KCNN2: variants seen among roughly 807,000 people sequenced by gnomAD.
The protein encoded by KCNN2 is small conductance calcium-activated potassium channel protein 2.
Under a neutral mutation model 55.5 loss-of-function variants are expected in KCNN2, and 24 were observed. That is an observed-to-expected ratio of 0.43 (90% CI 0.31 to 0.61). The LOEUF (loss-of-function observed/expected upper bound fraction) is 0.61, where lower values mean the gene tolerates loss of function less well. KCNN2 is among the 20% of genes least tolerant of loss of function. The pLI is 0.08. For missense variants in KCNN2, 754 were observed against 853.6 expected, an observed-to-expected ratio of 0.88 and a Z score of 1.45; for synonymous variants, 431 against 336.1, an observed-to-expected ratio of 1.28 and a Z score of -3.09.
intron 2 of KCNN2, among the ~76,000 whole-genome samples, chr5:114,308,779 T>C (rs1381199549): frequency 2.6e-5 from 4 of 152,286 alleles, no homozygotes; most frequent in East Asian, 1.9e-4. Flanking sequence ...GATGGACAGA[T>C]GGATGGATTA....
rs548059971 is a variant in KCNN2 at position 114,372,467 on chromosome 5, G to A, written c.1218+8466G>A. Among the ~76,000 whole-genome samples, 27 of 152,264 alleles carry A rather than the reference G, an allele frequency of 1.8e-4. No homozygotes were observed. The South Asian group carries it at 3.3e-3, about 19-fold the overall frequency. On this transcript the variant is annotated intron_variant, in intron 2 of 7. Transcript: ENST00000673685. ...ATCCACATTTTCTGTGTTTACTGCA[G>A]TGTCAGGATCTTTCAGTCTATTAGT...
intron 2 of KCNN2, among the ~76,000 whole-genome samples, chr5:114,273,722 T>C (rs1180778252): frequency 6.6e-6 from 1 of 152,252 alleles, no homozygotes; most frequent in Non-Finnish European, 1.5e-5. Context: ...AAATTTGTTT[T>C]AGTTCTTTGT....
intron 2 of KCNN2, among the ~76,000 whole-genome samples, chr5:114,309,362 CACA>C (rs1295504854): frequency 6.6e-6 from 1 of 152,158 alleles, no homozygotes; most frequent in African/African-American, 2.4e-5. Context: ...AGCAGGCTCA[CACA>C]ACAGCAGGTT....
intron 3 of KCNN2, among the ~76,000 whole-genome samples, chr5:114,418,196 A>G (rs930191400): frequency 2.0e-5 from 3 of 152,244 alleles, no homozygotes; most frequent in Non-Finnish European, 2.9e-5. Context: ...TTTGCAAGTA[A>G]TTAGGGTTTT....
At chr5:114,061,232 T>C (rs1046637866) in intron 1 of KCNN2, among the ~76,000 whole-genome samples, 6 of 152,152 alleles carry the variant, frequency 3.9e-5, no homozygotes, top group African/African-American at 1.4e-4. Flanking sequence ...AACAGACAAT[T>C]GCAAATACAC....
intron 3 of KCNN2, among the ~76,000 whole-genome samples, chr5:114,433,181 G>A (rs1759862918): frequency 6.6e-6 from 1 of 152,190 alleles, no homozygotes; most frequent in East Asian, 1.9e-4. Context: ...TTTATGTCTA[G>A]CCCAGGGATT....
chr5:114,299,177 G>A (rs1756098682), intron 2 of KCNN2, among the ~76,000 whole-genome samples: 1 of 145,558 alleles, frequency 6.9e-6, no homozygotes, highest in South Asian at 2.2e-4. Flanking sequence ...GCATCTGTAA[G>A]GTTGGTTTTA....
At chr5:114,375,475 CTG>C (rs1456542779) in intron 2 of KCNN2, among the ~76,000 whole-genome samples, 1 of 152,088 alleles carries the variant, frequency 6.6e-6, no homozygotes, top group Non-Finnish European at 1.5e-5. Context: ...TAGAAACTTG[CTG>C]TAAGTCAATT....
chr5:114,423,496 T>A (rs1481321065), intron 3 of KCNN2, among the ~76,000 whole-genome samples: 1 of 152,120 alleles, frequency 6.6e-6, no homozygotes, highest in African/African-American at 2.4e-5. Context: ...TATTAAGACC[T>A]ATTTCTAAAG....
At chr5:114,313,106 T>G (rs1756437558) in intron 2 of KCNN2, among the ~76,000 whole-genome samples, 1 of 152,120 alleles carries the variant, frequency 6.6e-6, no homozygotes. Context: ...CTTACATGGC[T>G]CCTGTACTGT....
chr5:114,480,688 C>T (rs763208985), intron 5 of KCNN2, among the ~76,000 whole-genome samples: 2 of 152,160 alleles, frequency 1.3e-5, no homozygotes, highest in African/African-American at 2.4e-5. Flanking sequence ...TGGCTTCATC[C>T]CTGGGATGCA....
chr5:114,294,744 T>A (rs1253528233), intron 2 of KCNN2, among the ~76,000 whole-genome samples: 1 of 152,142 alleles, frequency 6.6e-6, no homozygotes, highest in East Asian at 1.9e-4. Context: ...TTCCTGGGTA[T>A]CCTTGTTAAA....
At chr5:114,198,186 T>A (rs548926014) in intron 1 of KCNN2, among the ~76,000 whole-genome samples, 5 of 151,832 alleles carry the variant, frequency 3.3e-5, no homozygotes, top group African/African-American at 9.7e-5. Flanking sequence ...CAGATTTATG[T>A]TGAGTCTGAT....
chr5:114,281,833 T>C (rs1237672545), intron 2 of KCNN2, among the ~76,000 whole-genome samples: 2 of 152,114 alleles, frequency 1.3e-5, no homozygotes, highest in Admixed American at 6.6e-5. Context: ...CTGGTGTCTA[T>C]GGTCAAGGTT....
At chr5:114,332,074 G>T (rs1756833456) in intron 2 of KCNN2, among the ~76,000 whole-genome samples, 2 of 152,284 alleles carry the variant, frequency 1.3e-5, no homozygotes, top group African/African-American at 4.8e-5. Context: ...AAAAGACAAA[G>T]ATTACAGTAA....
intron 3 of KCNN2, among the ~76,000 whole-genome samples, chr5:114,421,775 A>G (rs927163872): frequency 5.3e-5 from 8 of 151,726 alleles, no homozygotes; most frequent in Non-Finnish European, 1.0e-4. Flanking sequence ...ATGCCCAGCT[A>G]ATTTTTGTAT....
chr5:114,115,965 G>A (rs1751700680), intron 1 of KCNN2, among the ~76,000 whole-genome samples: 1 of 152,122 alleles, frequency 6.6e-6, no homozygotes, highest in Admixed American at 6.6e-5. Flanking sequence ...GAATGGGACA[G>A]TAACAACAAA....
At chr5:114,136,588 T>A (rs536620153) in intron 1 of KCNN2, among the ~76,000 whole-genome samples, 10 of 152,198 alleles carry the variant, frequency 6.6e-5, no homozygotes, top group Non-Finnish European at 1.0e-4. Context: ...GAAACTAATA[T>A]TTTTCTTCAT....
At chr5:114,390,553 C>T (rs985752802) in intron 2 of KCNN2, among the ~76,000 whole-genome samples, 3 of 152,068 alleles carry the variant, frequency 2.0e-5, no homozygotes, top group African/African-American at 7.2e-5. Context: ...TGACACTATC[C>T]TTGTAGTCCT....
Sources: allele counts gnomAD v4.1 joint callset (sites outside exome capture counted in the v4.1 genomes callset), GRCh38; gene constraint gnomAD v4.1.1; transcripts MANE v1.5; gene names NCBI Gene and HGNC (gene_info 2026-07-23, HGNC 2026-07-21).